ADCYAP1: variants seen among roughly 807,000 people sequenced by gnomAD.
ADCYAP1 encodes the protein adenylate cyclase activating polypeptide 1, also known as pituitary adenylate cyclase-activating polypeptide.
ADCYAP1 carries 6 observed loss-of-function variants against 18.5 expected under a neutral mutation model. The ratio of observed to expected loss-of-function variants is 0.32; its 90% CI spans 0.18 to 0.64. The LOEUF (loss-of-function observed/expected upper bound fraction) is 0.64. ADCYAP1 is among the 30% of genes least tolerant of loss of function. The pLI is 0.77. For missense variants in ADCYAP1, 314 were observed against 253.6 expected, an observed-to-expected ratio of 1.24 and a Z score of -1.62; for synonymous variants, 136 against 113.9, an observed-to-expected ratio of 1.19 and a Z score of -1.24.
At position 904,894 on chromosome 18, in the gene ADCYAP1, G is replaced by A. The variant is rs1381068292; in HGVS notation, c.-168G>A. The A allele has an allele frequency of 1.6e-6, 2 of 1,288,686 alleles. No individual in the cohort carries two copies. Among genetic ancestry groups the A allele is most frequent in the South Asian group, 1.2e-5 (1 of 80,984 alleles). The allele number at this position is 1,288,686 out of a possible 1,614,324, so 79.8% of individuals were successfully genotyped here. On this transcript the variant is annotated 5_prime_UTR_variant, in exon 1 of 5. Coordinates refer to ENST00000450565, the MANE Select transcript of ADCYAP1 (RefSeq NM_001099733.2). ...GCAGAACACGAGCCTCGGCAAACGAGTCCCGCAGCTCCTCCTGCTGCTCCC... is the reference window on the plus strand; with the variant it reads ...GCAGAACACGAGCCTCGGCAAACGAATCCCGCAGCTCCTCCTGCTGCTCCC...
chr18:910,156 G>C lies in ADCYAP1; in HGVS notation c.*521G>C, dbSNP rs1159471053. ...AGGGAGATTTTGAGGTAAAGATATG[G>C]AGAATTGCTGAAGGGCATTCTTTCC... is the stretch of plus-strand genomic sequence containing the variant. On this transcript the variant is annotated 3_prime_UTR_variant, in exon 5 of 5. Coordinates refer to ENST00000450565, the MANE Select transcript of ADCYAP1 (RefSeq NM_001099733.2). 1 of 152,532 alleles carries C rather than the reference G, an allele frequency of 6.6e-6. No individual in the cohort carries two copies. The highest frequency in any genetic ancestry group is 2.4e-5 in the African/African-American group (1 of 41,426). The allele number at this position is 152,532 out of a possible 1,614,324, so 9.4% of individuals were successfully genotyped here.
chr18:907,756 GC>G lies in ADCYAP1; in HGVS notation c.210del (p.Ala71ProfsTer88). The G allele has an allele frequency of 6.7e-7, 1 of 1,494,754 alleles. No individual in the cohort carries two copies. Among genetic ancestry groups the G allele is most frequent in the Non-Finnish European group, 8.8e-7 (1 of 1,129,944 alleles). 92.6% of individuals were successfully genotyped at this position (1,494,754 alleles called of 1,614,324 possible). ...GAGSPASAPR[A>X]AAAWYRPAGR... Reference sequence around the variant, plus strand: ...AGGGAGCCCCGCCTCCGCGCCGCGCGCCGCCGCCGCCTGGTACCGCCCGGCC... The same window carrying G: ...AGGGAGCCCCGCCTCCGCGCCGCGCGCGCCGCCGCCTGGTACCGCCCGGCC... On this transcript the variant is annotated frameshift_variant, in exon 3 of 5. Coordinates refer to ENST00000450565, the MANE Select transcript of ADCYAP1 (RefSeq NM_001099733.2). LOFTEE classifies it high-confidence loss of function.
In ADCYAP1 at chr18:910,213, C is replaced by G. The variant is rs996338603; in HGVS notation, c.*578C>G. ...GTCTCTGGGGCAGGCTGCTTCAATC[C>G]CAGCCTAACTCAACTGGGCTCTGTC... On this transcript the variant is annotated 3_prime_UTR_variant, in exon 5 of 5. Transcript: ENST00000450565. 1.3e-5 allele frequency: 2 copies of G among 152,574 alleles called. No individual in the cohort carries two copies. Among genetic ancestry groups the G allele is most frequent in the East Asian group, 1.9e-4 (1 of 5,198 alleles). 9.5% of individuals were successfully genotyped at this position (152,574 alleles called of 1,614,324 possible). A position where few individuals can be genotyped will look rare whatever the true frequency, so the allele number is the denominator to read the frequency against.
chr18:909,636 C>G lies in ADCYAP1; in HGVS notation c.*1C>G, dbSNP rs773391223. On this transcript the variant is annotated 3_prime_UTR_variant, in exon 5 of 5. Transcript: ENST00000450565. ...AGGACGCCGAATAGCTTATTTGTAG[C>G]GATGGGTTACCAGCTACCCTGTGTA... The G allele has an allele frequency of 5.0e-6, 8 of 1,612,552 alleles. No homozygotes were observed. The Admixed American group carries it at 1.2e-4, about 24-fold the overall frequency.
intron 2 of ADCYAP1, 171 bp from the exon 3 acceptor site, chr18:907,488 G>C (rs945039108): frequency 4.5e-6 from 3 of 670,106 alleles, no homozygotes; most frequent in Non-Finnish European, 6.9e-6. Flanking sequence ...GTTGGGTGTC[G>C]TTGCCTCCTC....
In ADCYAP1 at chr18:911,066, A is replaced by C. The variant is rs1909370639; in HGVS notation, c.*1431A>C. Reference sequence around the variant, plus strand: ...TTATTTCATAAAACCAACCTTTGTCATATTAGAATGTGTAGTGTTCACATG... The same window carrying C: ...TTATTTCATAAAACCAACCTTTGTCCTATTAGAATGTGTAGTGTTCACATG... On this transcript the variant is annotated 3_prime_UTR_variant, in exon 5 of 5. Transcript: ENST00000450565. The C allele has an allele frequency of 6.6e-6, 1 of 152,158 alleles. No homozygotes were observed. The highest frequency in any genetic ancestry group is 1.5e-5 in the Non-Finnish European group (1 of 68,014). The allele number at this position is 152,158 out of a possible 1,614,324, so 9.4% of individuals were successfully genotyped here. A position where few individuals can be genotyped will look rare whatever the true frequency, so the allele number is the denominator to read the frequency against.
chr18:907,535 G>A, intron 2 of ADCYAP1, 124 bp from the exon 3 acceptor site: 2 of 1,050,652 alleles, frequency 1.9e-6, no homozygotes, highest in African/African-American at 1.7e-5. Flanking sequence ...TGGGAGAAGA[G>A]ACAATTCTCA....
chr18:908,126 TG>T (rs1909247802), intron 3 of ADCYAP1, 138 bp from the exon 4 acceptor site: 1 of 743,992 alleles, frequency 1.3e-6, no homozygotes, highest in Non-Finnish European at 2.2e-6. Flanking sequence ...CGGGAGTTAT[TG>T]GCGAGTTCTG....
At chr18:907,151 C>T (rs1489187592) in intron 2 of ADCYAP1, among the ~76,000 whole-genome samples, 2 of 152,170 alleles carry the variant, frequency 1.3e-5, no homozygotes, top group Non-Finnish European at 2.9e-5. Context: ...AGAAGGGCTC[C>T]CCTGGGCTCG....
chr18:909,503 G>C lies in ADCYAP1; in HGVS notation c.399G>C (p.Ser133=), dbSNP rs755460350. ...CGGAGCCGCTCTCCAAGCGCCACTC[G>C]GACGGGATCTTCACGGACAGCTACA... ...DDAEPLSKRH[S]DGIFTDSYSR... Residue 133 remains serine, a synonymous_variant, in exon 5 of 5, where the codon TCG becomes TCC. Coordinates refer to ENST00000450565, the MANE Select transcript of ADCYAP1 (RefSeq NM_001099733.2). 4 of 1,613,816 alleles carry C rather than the reference G, an allele frequency of 2.5e-6. No homozygotes were observed. The highest frequency in any genetic ancestry group is 3.4e-6 in the Non-Finnish European group (4 of 1,179,992).
rs989824454 is a variant in ADCYAP1, at chr18:910,350, C to T, written c.*715C>T. 2 of 152,254 alleles carry T rather than the reference C, an allele frequency of 1.3e-5. No homozygotes were observed. The highest frequency in any genetic ancestry group is 2.1e-4 in the South Asian group (1 of 4,826). 9.4% of individuals were successfully genotyped at this position (152,254 alleles called of 1,614,324 possible). On this transcript the variant is annotated 3_prime_UTR_variant, in exon 5 of 5. Coordinates refer to ENST00000450565, the MANE Select transcript of ADCYAP1 (RefSeq NM_001099733.2). The stretch of plus-strand genomic sequence containing the variant: ...GAAGAAAATTCTCCTGATAAAACAA[C>T]AGCTCGATCCAAATTGTGCTTCTCC...
rs1450634475 is a variant in ADCYAP1 at position 904,881 on chromosome 18, C to T, written c.-181C>T. 4.7e-6 allele frequency: 6 copies of T among 1,287,816 alleles called. No individual in the cohort carries two copies. The highest frequency in any genetic ancestry group is 6.1e-6 in the Non-Finnish European group (6 of 987,466). 79.8% of individuals were successfully genotyped at this position (1,287,816 alleles called of 1,614,324 possible). ...TACAAACTTTTGAGCAGAACACGAG[C>T]CTCGGCAAACGAGTCCCGCAGCTCC... On this transcript the variant is annotated 5_prime_UTR_variant, in exon 1 of 5. Coordinates refer to ENST00000450565, the MANE Select transcript of ADCYAP1 (RefSeq NM_001099733.2).
At position 907,757 on chromosome 18, in the gene ADCYAP1, C is replaced by T; in HGVS notation, c.209C>T (p.Ala70Val). The T allele has an allele frequency of 6.7e-7, 1 of 1,494,946 alleles. No homozygotes were observed. Among genetic ancestry groups the T allele is most frequent in the Non-Finnish European group, 8.8e-7 (1 of 1,130,066 alleles). The allele number at this position is 1,494,946 out of a possible 1,614,324, so 92.6% of individuals were successfully genotyped here. A position where few individuals can be genotyped will look rare whatever the true frequency, so the allele number is the denominator to read the frequency against. The stretch of plus-strand genomic sequence containing the variant: ...GGGAGCCCCGCCTCCGCGCCGCGCG[C>T]CGCCGCCGCCTGGTACCGCCCGGCC... ...GAGSPASAPR[A>V]AAAWYRPAGR... Residue 70 changes from alanine (A) to valine (V), a missense_variant, in exon 3 of 5, where the codon GCC (alanine) becomes GTC (valine). By Grantham distance (64) the Ala-to-Val change is moderately conservative. Transcript: ENST00000450565.
chr18:909,667 C>A lies in ADCYAP1; in HGVS notation c.*32C>A, dbSNP rs1909313952. ...GTTACCAGCTACCCTGTGTATACAG[C>A]CCTGACGCAATGAAAAGTCGTTTTC... is the stretch of plus-strand genomic sequence containing the variant. On this transcript the variant is annotated 3_prime_UTR_variant, in exon 5 of 5. Transcript: ENST00000450565. 2 of 1,571,246 alleles carry A rather than the reference C, an allele frequency of 1.3e-6. No homozygotes were observed. Among genetic ancestry groups the A allele is most frequent in the Admixed American group, 1.8e-5 (1 of 56,852 alleles).
intron 2 of ADCYAP1, 118 bp downstream of exon 2, chr18:905,614 C>A (rs1909138824): frequency 8.3e-7 from 1 of 1,201,254 alleles, no homozygotes; most frequent in Non-Finnish European, 1.1e-6. Context: ...CCTCTGCGCC[C>A]CCGGTGCGCC....
chr18:909,335 C>T, intron 4 of ADCYAP1, 111 bp from the exon 5 acceptor site: 1 of 1,088,398 alleles, frequency 9.2e-7, no homozygotes, highest in Non-Finnish European at 1.3e-6. Flanking sequence ...CAGTGCGAGC[C>T]CCGGGCCCTC....
At chr18:907,318 C>A (rs564733431) in intron 2 of ADCYAP1, among the ~76,000 whole-genome samples, 1 of 152,122 alleles carries the variant, frequency 6.6e-6, no homozygotes, top group Non-Finnish European at 1.5e-5. Flanking sequence ...TGGGGAGGCT[C>A]GGGAGCCAGG....
intron 2 of ADCYAP1, chr18:907,446 G>A (rs1411306299): frequency 4.1e-6 from 2 of 486,768 alleles, no homozygotes; most frequent in Non-Finnish European, 7.1e-6. Context: ...CGCGAAGGGG[G>A]GGTGGGCGGG....
At chr18:905,726 C>T (rs2143105229) in intron 2 of ADCYAP1, 2 of 573,872 alleles carry the variant, frequency 3.5e-6, no homozygotes, top group Non-Finnish European at 6.1e-6. Context: ...AGCTCAGGGT[C>T]CCGGGTAGAG....
Sources: allele counts gnomAD v4.1 joint callset (sites outside exome capture counted in the v4.1 genomes callset), GRCh38; gene constraint gnomAD v4.1.1; transcripts MANE v1.5; gene names NCBI Gene and HGNC (gene_info 2026-07-23, HGNC 2026-07-21).